LRTM1: variants seen among roughly 807,000 people sequenced by gnomAD.
LRTM1 encodes the protein leucine-rich repeat and transmembrane domain-containing protein 1.
LRTM1 carries 38 observed loss-of-function variants against 32.4 expected under a neutral mutation model. The ratio of observed to expected loss-of-function variants is 1.17; its 90% CI spans 0.91 to 1.54. The LOEUF is 1.54. Among genes scored for constraint, LRTM1 ranks in the 40% most tolerant of loss-of-function variants. The pLI, the probability that LRTM1 is intolerant of heterozygous loss-of-function variation, is 0.00. For missense variants in LRTM1, 466 were observed against 415.4 expected, an observed-to-expected ratio of 1.12 and a Z score of -1.06; for synonymous variants, 186 against 169.9, an observed-to-expected ratio of 1.09 and a Z score of -0.74.
chr3:54,940,246 T>C (rs1162989681), intron 1 of LRTM1, among the ~76,000 whole-genome samples: 1 of 152,210 alleles, frequency 6.6e-6, no homozygotes, highest in Non-Finnish European at 1.5e-5. Flanking sequence ...CTTGGAAGAC[T>C]GCAACTATTT....
chr3:54,918,238 A>G lies in LRTM1; in HGVS notation c.*221T>C, dbSNP rs879835227. 1 of 513,536 alleles carries G rather than the reference A, an allele frequency of 1.9e-6. No individual in the cohort carries two copies. The highest frequency in any genetic ancestry group is 3.4e-6 in the Non-Finnish European group (1 of 292,658). 31.8% of individuals were successfully genotyped at this position (513,536 alleles called of 1,614,324 possible). A position where few individuals can be genotyped will look rare whatever the true frequency, so the allele number is the denominator to read the frequency against. ...CGTAATAACTTCCCAGGCCCAGAGC[A>G]CAAGTATCATCTTTATTTTACCTAT... On this transcript the variant is annotated 3_prime_UTR_variant, in exon 3 of 3. Coordinates refer to ENST00000273286, the MANE Select transcript of LRTM1 (RefSeq NM_020678.4).
At chr3:54,949,443 T>C (rs2107010729) in intron 1 of LRTM1, among the ~76,000 whole-genome samples, 1 of 152,344 alleles carries the variant, frequency 6.6e-6, no homozygotes, top group African/African-American at 2.4e-5. Context: ...GAGCCATCTA[T>C]GAATCACATC....
At chr3:54,929,438 G>A (rs550727770), upstream of LRTM1, among the ~76,000 whole-genome samples, 1 of 152,310 alleles carries the variant, frequency 6.6e-6, no homozygotes, top group South Asian at 2.1e-4. Context: ...CCACTCTGCA[G>A]GTACAAAGGG....
At chr3:54,948,139 T>C (rs1701662162) in intron 1 of LRTM1, among the ~76,000 whole-genome samples, 2 of 152,180 alleles carry the variant, frequency 1.3e-5, no homozygotes, top group African/African-American at 4.8e-5. Context: ...TACAATGACA[T>C]TCTATTTCTA....
intron 1 of LRTM1, among the ~76,000 whole-genome samples, chr3:54,960,080 A>G (rs907139747): frequency 1.3e-5 from 2 of 152,126 alleles, no homozygotes; most frequent in African/African-American, 4.8e-5. Flanking sequence ...ACAGGACAAA[A>G]AAAAAAAAAA....
intron 1 of LRTM1, among the ~76,000 whole-genome samples, chr3:54,956,535 G>T (rs1466719358): frequency 1.3e-5 from 2 of 152,116 alleles, no homozygotes; most frequent in Admixed American, 1.3e-4. Flanking sequence ...ACCAACCTAG[G>T]ATTTTGTGCA....
chr3:54,933,470 C>A (rs1701256894), intron 1 of LRTM1, among the ~76,000 whole-genome samples: 1 of 152,170 alleles, frequency 6.6e-6, no homozygotes, highest in Non-Finnish European at 1.5e-5. Flanking sequence ...AAGGTACTTA[C>A]CACTTCTGCT....
intron 1 of LRTM1, among the ~76,000 whole-genome samples, chr3:54,946,841 C>T (rs1037234180): frequency 6.6e-6 from 1 of 151,074 alleles, no homozygotes; most frequent in African/African-American, 2.4e-5. Flanking sequence ...ATGATGGGAC[C>T]ATTTAGTCCC....
chr3:54,935,729 A>G (rs570469623), intron 1 of LRTM1, among the ~76,000 whole-genome samples: 19 of 152,356 alleles, frequency 1.2e-4, no homozygotes, highest in African/African-American at 4.6e-4. Flanking sequence ...ATAGATTACA[A>G]TGTATGTTTC....
intron 2 of LRTM1, among the ~76,000 whole-genome samples, chr3:54,919,677 C>G (rs945274170): frequency 6.6e-6 from 1 of 152,188 alleles, no homozygotes; most frequent in Non-Finnish European, 1.5e-5. Context: ...TCTAGTGTGA[C>G]CACTGATTTA....
At chr3:54,943,404 A>G (rs919349100) in intron 1 of LRTM1, among the ~76,000 whole-genome samples, 1 of 152,084 alleles carries the variant, frequency 6.6e-6, no homozygotes. Context: ...CCTTTAATAC[A>G]TGGTGCTTTG....
chr3:54,938,987 A>G (rs917292281), intron 1 of LRTM1, among the ~76,000 whole-genome samples: 2 of 152,208 alleles, frequency 1.3e-5, no homozygotes, highest in African/African-American at 4.8e-5. Flanking sequence ...TGAAAAGGGT[A>G]GCACACGTTA....
upstream of LRTM1, among the ~76,000 whole-genome samples, chr3:54,932,079 G>A (rs1427083780): frequency 6.6e-6 from 1 of 152,144 alleles, no homozygotes; most frequent in African/African-American, 2.4e-5. Context: ...CTACTCGGGA[G>A]GCTGAGGTAG....
intron 2 of LRTM1, among the ~76,000 whole-genome samples, chr3:54,923,780 G>C (rs1700925322): frequency 6.6e-6 from 1 of 152,172 alleles, no homozygotes; most frequent in South Asian, 2.1e-4. Flanking sequence ...TCTGCTCTGT[G>C]ATCTTGGGCA....
chr3:54,922,827 C>A (rs1475788070), intron 2 of LRTM1, among the ~76,000 whole-genome samples: 1 of 152,184 alleles, frequency 6.6e-6, no homozygotes, highest in Non-Finnish European at 1.5e-5. Context: ...TCACTCCCCC[C>A]AGTCCCCTCT....
chr3:54,928,720 C>T (rs1444446459), upstream of LRTM1, among the ~76,000 whole-genome samples: 1 of 151,720 alleles, frequency 6.6e-6, no homozygotes, highest in South Asian at 2.1e-4. Context: ...CACTCCCCAG[C>T]CCCCGAGTTG....
chr3:54,955,683 C>A (rs1440367142), intron 1 of LRTM1, among the ~76,000 whole-genome samples: 2 of 152,180 alleles, frequency 1.3e-5, no homozygotes, highest in Non-Finnish European at 2.9e-5. Context: ...TTGAGGGACA[C>A]TGAGATCAGA....
chr3:54,919,968 C>A (rs1700788764), intron 2 of LRTM1, among the ~76,000 whole-genome samples: 2 of 152,118 alleles, frequency 1.3e-5, no homozygotes, highest in Admixed American at 1.3e-4. Context: ...GCAGGATGGC[C>A]CTCGGCACTG....
intron 1 of LRTM1, among the ~76,000 whole-genome samples, chr3:54,956,914 A>G (rs1701911916): frequency 6.6e-6 from 1 of 152,094 alleles, no homozygotes; most frequent in African/African-American, 2.4e-5. Context: ...TTTGCTGTAT[A>G]GGTTGAAAAC....
Sources: allele counts gnomAD v4.1 joint callset (sites outside exome capture counted in the v4.1 genomes callset), GRCh38; gene constraint gnomAD v4.1.1; transcripts MANE v1.5; gene names NCBI Gene and HGNC (gene_info 2026-07-23, HGNC 2026-07-21).